The following RNF144A variants were observed in gnomAD, a reference collection of about 807,000 sequenced individuals.
The protein encoded by RNF144A is E3 ubiquitin-protein ligase RNF144A.
RNF144A carries 11 observed loss-of-function variants against 38.7 expected under a neutral mutation model. That is an observed-to-expected ratio of 0.28 (90% CI 0.18 to 0.47). The LOEUF is 0.47. Ranked by LOEUF, RNF144A falls within the 20% of genes least tolerant of loss-of-function variation. The pLI is 0.99. For missense variants in RNF144A, 316 were observed against 377.2 expected, an observed-to-expected ratio of 0.84 and a Z score of 1.34; for synonymous variants, 149 against 143.9, an observed-to-expected ratio of 1.04 and a Z score of -0.25.
At position 6,998,176 on chromosome 2, in the gene RNF144A, A is replaced by G. The variant is rs531036737; in HGVS notation, c.135+1115A>G. On this transcript the variant is annotated intron_variant, in intron 3 of 8. Coordinates refer to ENST00000320892, the MANE Select transcript of RNF144A (RefSeq NM_014746.6). ...AGAAAAATGAAAAACTGTCTTCAAA[A>G]AAAAAAAAGTGTCTTCTGAATTTAA... 2.0e-5 allele frequency among the ~76,000 whole-genome samples: 3 copies of G among 152,252 alleles called. No homozygotes were observed. In the South Asian group the frequency reaches 6.2e-4, roughly 32 times the overall value.
chr2:6,949,676 G>C (rs974845973), intron 2 of RNF144A, among the ~76,000 whole-genome samples: 1 of 152,138 alleles, frequency 6.6e-6, no homozygotes, highest in African/African-American at 2.4e-5. Flanking sequence ...CCTGCACTCA[G>C]CCAGGCTATT....
rs1416657636 is a variant in RNF144A, at chr2:6,962,734, T to C, written c.-12+21587T>C. The stretch of plus-strand genomic sequence containing the variant: ...CTTGGATATTTATGCACTTGTCTTA[T>C]TTTATTCATCACAGCATAAACTTCC... On this transcript the variant is annotated intron_variant, in intron 2 of 8. Transcript: ENST00000320892. This position sits in a 1 kb window ranked among gnomAD's most constrained non-coding sequence, Gnocchi z 4.1. Among the ~76,000 whole-genome samples the C allele has an allele frequency of 6.6e-6, 1 of 152,212 alleles. No homozygotes were observed. The highest frequency in any genetic ancestry group is 1.5e-5 in the Non-Finnish European group (1 of 68,024).
At chr2:6,965,439 T>A (rs924735746) in intron 2 of RNF144A, among the ~76,000 whole-genome samples, 3 of 152,306 alleles carry the variant, frequency 2.0e-5, no homozygotes, top group Non-Finnish European at 2.9e-5. Context: ...TTTGTGTCAA[T>A]TACTCAATTA....
chr2:6,983,551 C>T (rs1352568426), intron 2 of RNF144A, among the ~76,000 whole-genome samples: 1 of 152,196 alleles, frequency 6.6e-6, no homozygotes, highest in Non-Finnish European at 1.5e-5. Flanking sequence ...TATTCTTATG[C>T]AGATCTTAAG....
chr2:6,982,004 A>G (rs1228184825), intron 2 of RNF144A, among the ~76,000 whole-genome samples: 3 of 152,198 alleles, frequency 2.0e-5, no homozygotes, highest in Admixed American at 6.5e-5. Context: ...GAGAGAGCGC[A>G]CAGGGGAAAC....
intron 2 of RNF144A, among the ~76,000 whole-genome samples, chr2:6,977,213 G>C (rs1047013979): frequency 1.3e-5 from 2 of 152,192 alleles, no homozygotes; most frequent in Non-Finnish European, 2.9e-5. Flanking sequence ...AAGCCCTGTC[G>C]TTCTCCACAT....
Position 7,039,617 on chromosome 2 carries a change from T to C in RNF144A, c.748-12T>C, listed in dbSNP as rs1014492820. ...CCCTCCTTACCTCTACCCCTTTGTT[T>C]CTTTCTTCCAGGTTGTGGGCATTTT... On this transcript the variant is annotated splice_polypyrimidine_tract_variant and intron_variant, in intron 8 of 8. Coordinates refer to ENST00000320892, the MANE Select transcript of RNF144A (RefSeq NM_014746.6). 1.4e-5 allele frequency: 23 copies of C among 1,613,844 alleles called. No homozygotes were observed. Among genetic ancestry groups the C allele is most frequent in the Non-Finnish European group, 1.9e-5 (23 of 1,179,866 alleles).
chr2:6,947,601 A>G (rs1259266473), intron 2 of RNF144A, among the ~76,000 whole-genome samples: 1 of 152,250 alleles, frequency 6.6e-6, no homozygotes, highest in African/African-American at 2.4e-5. Context: ...AAAAGGCAAT[A>G]TGCCAGAAGT....
intron 2 of RNF144A, among the ~76,000 whole-genome samples, chr2:6,964,064 A>G (rs538493252): frequency 2.1e-5 from 3 of 141,754 alleles, no homozygotes; most frequent in South Asian, 4.2e-4. Context: ...GCAGAGATGG[A>G]AAAAAAAACA....
chr2:7,030,987 G>A (rs888509868), intron 8 of RNF144A, among the ~76,000 whole-genome samples: 2 of 152,100 alleles, frequency 1.3e-5, no homozygotes, highest in African/African-American at 4.8e-5. Context: ...GTGCTCCTAC[G>A]AGAGTCTAAT....
chr2:6,924,891 C>G (rs956322572), intron 1 of RNF144A, among the ~76,000 whole-genome samples: 1 of 152,240 alleles, frequency 6.6e-6, no homozygotes, highest in Admixed American at 6.5e-5. Flanking sequence ...TGTGCACTCA[C>G]AAGCATAACA....
At chr2:7,011,090 A>G (rs1664279760) in intron 3 of RNF144A, among the ~76,000 whole-genome samples, 1 of 137,954 alleles carries the variant, frequency 7.2e-6, no homozygotes, top group African/African-American at 2.4e-5. Flanking sequence ...TTTATGAGGT[A>G]AACAGAAAAT....
At chr2:7,018,016 C>A (rs913297020) in intron 5 of RNF144A, among the ~76,000 whole-genome samples, 7 of 152,140 alleles carry the variant, frequency 4.6e-5, no homozygotes, top group Admixed American at 1.3e-4. Context: ...TCCTGGGGGG[C>A]CTTTTGTGAT....
chr2:7,037,056 C>A (rs897384333), intron 8 of RNF144A, among the ~76,000 whole-genome samples: 1 of 152,210 alleles, frequency 6.6e-6, no homozygotes, highest in Non-Finnish European at 1.5e-5. Flanking sequence ...TGTACAGATT[C>A]TCTCTGGAGC....
At chr2:6,934,358 T>C (rs930752911) in intron 1 of RNF144A, among the ~76,000 whole-genome samples, 1 of 152,242 alleles carries the variant, frequency 6.6e-6, no homozygotes, top group African/African-American at 2.4e-5. Context: ...CAGTGTTTTC[T>C]ATTGATATTT....
downstream of RNF144A, among the ~76,000 whole-genome samples, chr2:7,047,485 A>G (rs1673351921): frequency 6.6e-6 from 1 of 152,330 alleles, no homozygotes; most frequent in Non-Finnish European, 1.5e-5. Context: ...GAAAGCCCTG[A>G]TAAACCCATC....
chr2:7,009,630 G>A (rs1670667940), intron 3 of RNF144A, among the ~76,000 whole-genome samples: 1 of 151,760 alleles, frequency 6.6e-6, no homozygotes, highest in African/African-American at 2.4e-5. Flanking sequence ...AGTGATCCTT[G>A]CCAGAACATG....
intron 2 of RNF144A, among the ~76,000 whole-genome samples, chr2:6,994,538 T>C (rs1669600015): frequency 6.6e-6 from 1 of 151,856 alleles, no homozygotes; most frequent in Non-Finnish European, 1.5e-5. Flanking sequence ...AAATTCAAGG[T>C]GTAGAGAAAT....
At chr2:6,984,196 C>G (rs759609603) in intron 2 of RNF144A, among the ~76,000 whole-genome samples, 1 of 152,342 alleles carries the variant, frequency 6.6e-6, no homozygotes, top group African/African-American at 2.4e-5. Context: ...TTTTCTGTCT[C>G]CCCGCTAGAG....
Sources: allele counts gnomAD v4.1 joint callset (sites outside exome capture counted in the v4.1 genomes callset), GRCh38; gene constraint gnomAD v4.1.1; non-coding constraint Gnocchi (gnomAD v3.1); transcripts MANE v1.5; gene names NCBI Gene and HGNC (gene_info 2026-07-23, HGNC 2026-07-21).